The following ZBTB46 variants were observed in gnomAD, a reference collection of about 807,000 sequenced individuals.
The protein encoded by ZBTB46 is zinc finger and BTB domain containing 46.
In ZBTB46, 8 loss-of-function variants were observed where a neutral mutation model predicts 44.1. The ratio of observed to expected loss-of-function variants is 0.18; its 90% confidence interval spans 0.11 to 0.33. ZBTB46 has a LOEUF of 0.33. ZBTB46 is among the 10% of genes least tolerant of loss of function. ZBTB46 has a pLI of 1.00. For missense variants in ZBTB46, 651 were observed against 847.7 expected, an observed-to-expected ratio of 0.77 and a Z score of 2.88; for synonymous variants, 409 against 382.3, an observed-to-expected ratio of 1.07 and a Z score of -0.81.
chr20:63,767,085 C>T lies in ZBTB46; in HGVS notation c.1222+8593G>A, dbSNP rs770733284. ...CCGACGAGGACGGGCAAGGGCACCG[C>T]GGGGCGCTCTTTCTGAAAAGCAGCA... is the stretch of plus-strand genomic sequence containing the variant. On this transcript the variant is annotated intron_variant, in intron 3 of 4. Transcript: ENST00000245663. The surrounding 1 kb of genome is among the most constrained non-coding windows in gnomAD (Gnocchi z 5.0). Among the ~76,000 whole-genome samples, 19 of 152,362 alleles carry T rather than the reference C, an allele frequency of 1.2e-4. No homozygotes were observed. The highest frequency in any genetic ancestry group is 3.4e-3 in the Middle Eastern group (1 of 294).
chr20:63,747,326 G>C (rs974725099), intron 4 of ZBTB46, 25 bp from the exon 5 acceptor site: 115 of 1,401,612 alleles, frequency 8.2e-5, no homozygotes, highest in Non-Finnish European at 1.0e-4. Context: ...CAGGGGGTGA[G>C]CAGGGCCTGG....
chr20:63,808,158 A>G (rs2092693931), intron 1 of ZBTB46: 1 of 152,924 alleles, frequency 6.5e-6, no homozygotes, highest in Non-Finnish European at 1.5e-5. Flanking sequence ...ACAGCGCGGT[A>G]AGGACCCCAC....
chr20:63,769,944 C>T (rs1226622443), intron 3 of ZBTB46, among the ~76,000 whole-genome samples: 1 of 152,252 alleles, frequency 6.6e-6, no homozygotes, highest in Non-Finnish European at 1.5e-5. Flanking sequence ...CGGCCACCTT[C>T]TCCAGTAACG....
chr20:63,743,792 C>A lies in ZBTB46; in HGVS notation c.*3138G>T, dbSNP rs574031627. The A allele has an allele frequency of 6.6e-6, 1 of 152,492 alleles. No individual in the cohort carries two copies. Among genetic ancestry groups the A allele is most frequent in the Non-Finnish European group, 1.5e-5 (1 of 68,052 alleles). 9.4% of individuals were successfully genotyped at this position (152,492 alleles called of 1,614,324 possible). On this transcript the variant is annotated 3_prime_UTR_variant, in exon 5 of 5. Coordinates refer to ENST00000245663, the MANE Select transcript of ZBTB46 (RefSeq NM_001369741.1). ...AAACTTGGAGACTCACCGCAGAGGC[C>A]ACGTGAACCCACGGCCACAGAGAGG...
chr20:63,753,003 CG>C (rs962169505), intron 3 of ZBTB46, 142 bp from the exon 4 acceptor site: 1 of 857,712 alleles, frequency 1.2e-6, no homozygotes, highest in Admixed American at 3.1e-5. Flanking sequence ...GTCAGCACTG[CG>C]ACAGGCCAGG....
chr20:63,786,717 G>T (rs192092047), intron 2 of ZBTB46, among the ~76,000 whole-genome samples: 6 of 152,058 alleles, frequency 3.9e-5, no homozygotes, highest in South Asian at 2.1e-4. Context: ...TCACCATGTT[G>T]GCCACGATGG....
chr20:63,831,405 GGGCCCCGCCCACGCCGGCCCGGCCGCC>G (rs1344902310), upstream of ZBTB46, among the ~76,000 whole-genome samples: 2 of 142,514 alleles, frequency 1.4e-5, no homozygotes, highest in African/African-American at 2.5e-5. Flanking sequence ...CCACCGCCCC[GGGCCCCGCCCACGCCGGCCCGGCCGCC>G]GGCCCCGCCC....
chr20:63,748,972 T>C (rs2092132455), intron 4 of ZBTB46, among the ~76,000 whole-genome samples: 1 of 152,208 alleles, frequency 6.6e-6, no homozygotes, highest in South Asian at 2.1e-4. Context: ...ACCCGGGCCC[T>C]TACGTACTTC....
chr20:63,825,464 C>T (rs1023420828), intron 1 of ZBTB46, among the ~76,000 whole-genome samples: 1 of 151,328 alleles, frequency 6.6e-6, no homozygotes, highest in Non-Finnish European at 1.5e-5. Flanking sequence ...CCCTCCCTCC[C>T]GGCTTCCCAG....
At chr20:63,772,010 T>TTA (rs2092379041) in intron 3 of ZBTB46, among the ~76,000 whole-genome samples, 1 of 151,122 alleles carries the variant, frequency 6.6e-6, no homozygotes, top group Non-Finnish European at 1.5e-5. Context: ...TCTTTTTTTT[T>TTA]TTTTTTTCTG....
At chr20:63,771,538 C>G (rs1413351160) in intron 3 of ZBTB46, among the ~76,000 whole-genome samples, 1 of 152,118 alleles carries the variant, frequency 6.6e-6, no homozygotes, top group Admixed American at 6.5e-5. Flanking sequence ...TCAGCGTCCA[C>G]CTGGGTACCG....
intron 3 of ZBTB46, chr20:63,769,422 C>T (rs974369648): frequency 1.2e-4 from 121 of 985,202 alleles, no homozygotes; most frequent in Non-Finnish European, 1.4e-4. Context: ...CCCACAGGAA[C>T]GCGCACCAGC....
intron 4 of ZBTB46, among the ~76,000 whole-genome samples, chr20:63,748,059 C>T (rs528454246): frequency 2.0e-5 from 3 of 150,864 alleles, no homozygotes; most frequent in Admixed American, 6.6e-5. Flanking sequence ...ACCCCCTCAG[C>T]CCCTGACCCC....
At chr20:63,818,649 T>A (rs112764392) in intron 1 of ZBTB46, among the ~76,000 whole-genome samples, 1 of 151,292 alleles carries the variant, frequency 6.6e-6, no homozygotes, top group African/African-American at 2.4e-5. Flanking sequence ...AGGTCAGGAG[T>A]TCGAGACCAG....
intron 2 of ZBTB46, 132 bp downstream of exon 2, chr20:63,789,689 C>G (rs75981408): frequency 0.014 from 20,755 of 1,447,568 alleles, 170 homozygotes; most frequent in Non-Finnish European, 0.017. Flanking sequence ...CGACAACCTC[C>G]TGTAAGAGGA....
At chr20:63,791,674 GCAGGAGGGAGCTCAGGCCCTGCGGCTGC>G (rs147080876) in intron 1 of ZBTB46, among the ~76,000 whole-genome samples, 291 of 152,302 alleles carry the variant, frequency 1.9e-3, no homozygotes, top group African/African-American at 6.8e-3. Flanking sequence ...CTGGGACAGG[GCAGGAGGGAGCTCAGGCCCTGCGGCTGC>G]CAGCGCCCTG....
At chr20:63,749,539 T>C (rs936476277) in intron 4 of ZBTB46, among the ~76,000 whole-genome samples, 1 of 152,094 alleles carries the variant, frequency 6.6e-6, no homozygotes, top group Non-Finnish European at 1.5e-5. Flanking sequence ...GGTTTCACCG[T>C]GTTAGCCAGG....
chr20:63,778,286 G>A (rs188551758), intron 2 of ZBTB46, among the ~76,000 whole-genome samples: 1 of 152,346 alleles, frequency 6.6e-6, no homozygotes, highest in East Asian at 1.9e-4. Flanking sequence ...TGTCAGCTCA[G>A]GCCAGCCAGG....
rs981698415 is a variant in ZBTB46, at chr20:63,744,431, A to G, written c.*2499T>C. 6.6e-5 allele frequency: 10 copies of G among 152,200 alleles called. No individual in the cohort carries two copies. Among genetic ancestry groups the G allele is most frequent in the African/African-American group, 2.4e-4 (10 of 41,380 alleles). 9.4% of individuals were successfully genotyped at this position (152,200 alleles called of 1,614,324 possible). A position where few individuals can be genotyped will look rare whatever the true frequency, so the allele number is the denominator to read the frequency against. ...CCGCCCCCAAATAACACCATCCCCAATGGACTGTATTTCCCACTTTGGTGT... is the reference window on the plus strand; with the variant it reads ...CCGCCCCCAAATAACACCATCCCCAGTGGACTGTATTTCCCACTTTGGTGT... On this transcript the variant is annotated 3_prime_UTR_variant, in exon 5 of 5. Transcript: ENST00000245663.
Sources: allele counts gnomAD v4.1 joint callset (sites outside exome capture counted in the v4.1 genomes callset), GRCh38; gene constraint gnomAD v4.1.1; non-coding constraint Gnocchi (gnomAD v3.1); transcripts MANE v1.5; gene names NCBI Gene and HGNC (gene_info 2026-07-23, HGNC 2026-07-21).